Variants in HELB observed in about 807,000 individuals in gnomAD.
HELB encodes the protein DNA helicase B, also known as DNA 5'-3' helicase B.
In HELB, 96 loss-of-function variants were observed where a neutral mutation model predicts 101.7. That is an observed-to-expected ratio of 0.94 (90% CI 0.80 to 1.12). The LOEUF (loss-of-function observed/expected upper bound fraction) is 1.12. Ranked by LOEUF, HELB falls within the 50% of genes most tolerant of loss-of-function variation. The probability of loss-of-function intolerance (pLI) is 0.00; values close to 1 mark genes in which losing one functional copy is unlikely to be tolerated. For missense variants in HELB, 1,210 were observed against 1,291.9 expected (o/e 0.94, Z 0.97); for synonymous variants, 437 against 459.7 (o/e 0.95, Z 0.63).
At chr12:66,316,567 A>AAATAATAATAATAATAATAAT (rs59495617) in intron 6 of HELB, among the ~76,000 whole-genome samples, 2 of 145,054 alleles carry the variant, frequency 1.4e-5, no homozygotes, top group African/African-American at 2.6e-5. Context: ...TGATAAGCTA[A>AAATAATAATAATAATAATAAT]AATAATAATA....
intron 4 of HELB, among the ~76,000 whole-genome samples, chr12:66,311,331 A>G (rs533848536): frequency 2.6e-5 from 4 of 152,218 alleles, no homozygotes; most frequent in African/African-American, 9.6e-5. Flanking sequence ...GCATGGTGGC[A>G]TGCACCTGTA....
chr12:66,337,190 A>C (rs2053875832), intron 12 of HELB, among the ~76,000 whole-genome samples: 1 of 152,082 alleles, frequency 6.6e-6, no homozygotes, highest in African/African-American at 2.4e-5. Context: ...AAAGTGAGTA[A>C]AATGGACATA....
intron 7 of HELB, chr12:66,321,385 T>A (rs2053668535): frequency 6.6e-6 from 1 of 152,616 alleles, no homozygotes; most frequent in African/African-American, 2.4e-5. Flanking sequence ...AGTAGAGCAT[T>A]GTGTTGTTAG....
At chr12:66,308,327 C>T (rs981168089) in intron 3 of HELB, among the ~76,000 whole-genome samples, 1 of 152,136 alleles carries the variant, frequency 6.6e-6, no homozygotes, top group African/African-American at 2.4e-5. Context: ...AGTCCCCTCC[C>T]TCCCGCCATG....
downstream of HELB, chr12:66,342,088 G>A (rs2053922176): frequency 6.6e-6 from 1 of 152,156 alleles, no homozygotes; most frequent in Non-Finnish European, 1.5e-5. Flanking sequence ...CCTATCCAAA[G>A]TCATGATGAT....
chr12:66,304,809 T>C lies in HELB; in HGVS notation c.266T>C (p.Val89Ala). 3 of 1,613,602 alleles carry C rather than the reference T, an allele frequency of 1.9e-6. No individual in the cohort carries two copies. The highest frequency in any genetic ancestry group is 1.7e-6 in the Non-Finnish European group (2 of 1,179,896). The change falls in exon 2 of 13, where the codon GTG becomes GCG. Residue 89 changes from valine (V) to alanine (A), a missense_variant. Physicochemically the swap from Val to Ala is moderately conservative, Grantham distance 64. This residue lies in a region of HELB where 470 missense variants were observed against 563.1 expected (regional missense o/e 0.83). Transcript: ENST00000247815. The stretch of plus-strand genomic sequence containing the variant: ...CCGATAACAGGTGCTTGGTGGAGAG[T>C]GAAGGTACAAGTAAAGCCTGTGGTG... The part of the protein sequence containing the change: ...RFPITGAWWR[V>A]KVQVKPVVGS...
chr12:66,322,825 C>A, intron 9 of HELB, 42 bp downstream of exon 9: 5 of 1,302,556 alleles, frequency 3.8e-6, no homozygotes, highest in Non-Finnish European at 5.4e-6. Context: ...GACAGTCCTT[C>A]TTCGATTTGC....
intron 1 of HELB, 106 bp downstream of exon 1, chr12:66,302,896 C>T: frequency 1.0e-6 from 1 of 967,048 alleles, no homozygotes; most frequent in Non-Finnish European, 1.5e-6. Context: ...ACAGATTTAG[C>T]TTATCAGTGG....
intron 11 of HELB, among the ~76,000 whole-genome samples, chr12:66,329,495 A>G (rs980377655): frequency 2.0e-5 from 3 of 152,164 alleles, no homozygotes; most frequent in African/African-American, 4.8e-5. Context: ...TGGGTGGAGC[A>G]TGGTTCATGG....
At chr12:66,338,936 A>G (rs1342054169), downstream of HELB, 1 of 152,238 alleles carries the variant, frequency 6.6e-6, no homozygotes, top group Non-Finnish European at 1.5e-5. Context: ...AGTTGGGAGC[A>G]CATTGTTTTG....
Position 66,302,751 on chromosome 12 carries a change from G to A in HELB, c.148G>A (p.Gly50Arg). The change falls in exon 1 of 13, where the codon GGG becomes AGG. Residue 50 changes from glycine to arginine, a missense_variant. Gly to Arg is a moderately radical substitution (Grantham distance 125). Around this residue, in one of 2 missense-constraint regions of HELB, gnomAD observed 470 missense variants for 563.1 expected, o/e 0.83. Coordinates refer to ENST00000247815, the MANE Select transcript of HELB (RefSeq NM_001370285.1). ...VFIDAEELCS[G>R]GVKAGSLPGC... The stretch of plus-strand genomic sequence containing the variant: ...CATCGACGCCGAGGAGCTCTGCAGT[G>A]GGGGCGTAAAGGCTGGCAGCCTCCC... 6.2e-7 allele frequency: 1 copy of A among 1,613,682 alleles called. No homozygotes were observed. The highest frequency in any genetic ancestry group is 1.7e-4 in the Middle Eastern group (1 of 6,060).
chr12:66,303,389 T>G (rs1592627718), intron 1 of HELB, among the ~76,000 whole-genome samples: 1 of 151,786 alleles, frequency 6.6e-6, no homozygotes, highest in African/African-American at 2.4e-5. Flanking sequence ...CCGAGGCAGG[T>G]GGATCACTTG....
At chr12:66,316,063 G>T (rs1283221646) in intron 6 of HELB, among the ~76,000 whole-genome samples, 1 of 152,078 alleles carries the variant, frequency 6.6e-6, no homozygotes, top group Non-Finnish European at 1.5e-5. Context: ...TAATTTTACT[G>T]TACCTTTTCT....
chr12:66,336,381 A>C (rs746654603), intron 12 of HELB, among the ~76,000 whole-genome samples: 1 of 152,110 alleles, frequency 6.6e-6, no homozygotes, highest in Non-Finnish European at 1.5e-5. Flanking sequence ...TGGGTAATGG[A>C]TTTTGTGTTA....
At chr12:66,316,425 T>C (rs1358948670) in intron 6 of HELB, among the ~76,000 whole-genome samples, 2 of 152,220 alleles carry the variant, frequency 1.3e-5, no homozygotes, top group African/African-American at 2.4e-5. Context: ...CAAAATGTTT[T>C]GTTGCTTGAA....
At chr12:66,343,571 CTTCT>C (rs1040359620) in exon 14 of HELB, 1 of 151,996 alleles carries the variant, frequency 6.6e-6, no homozygotes, top group African/African-American at 2.4e-5. Flanking sequence ...ATGCTTGGTT[CTTCT>C]TTAATTCTTT....
chr12:66,332,486 A>G (rs1352889291), intron 12 of HELB, among the ~76,000 whole-genome samples: 2 of 152,224 alleles, frequency 1.3e-5, no homozygotes, highest in Non-Finnish European at 2.9e-5. Flanking sequence ...ATCTCACACC[A>G]TCTCATTCCA....
At chr12:66,330,673 AAT>A (rs1210562511) in intron 11 of HELB, among the ~76,000 whole-genome samples, 1 of 148,150 alleles carries the variant, frequency 6.7e-6, no homozygotes, top group African/African-American at 2.5e-5. Context: ...ATAAGTATAT[AAT>A]ATATATTCAC....
Position 66,305,041 on chromosome 12 carries a change from A to T in HELB, c.498A>T (p.Leu166=). 6.2e-7 allele frequency: 1 copy of T among 1,613,582 alleles called. No homozygotes were observed. Among genetic ancestry groups the T allele is most frequent in the Non-Finnish European group, 8.5e-7 (1 of 1,179,802 alleles). ...NLNFENLRET[L]RTFHKETGRK... is the part of the protein sequence containing the mutation. ...ACTTTGAAAATCTTAGGGAAACACT[A>T]AGAACTTTCCACAAGGAAACTGGAA... is the stretch of plus-strand genomic sequence containing the variant. The change falls in exon 2 of 13, where the codon CTA becomes CTT. Residue 166 remains leucine, a synonymous_variant. Coordinates refer to ENST00000247815, the MANE Select transcript of HELB (RefSeq NM_001370285.1).
Sources: allele counts gnomAD v4.1 joint callset (sites outside exome capture counted in the v4.1 genomes callset), GRCh38; gene constraint gnomAD v4.1.1; regional missense constraint gnomAD v4.1.1; transcripts MANE v1.5; gene names NCBI Gene and HGNC (gene_info 2026-07-23, HGNC 2026-07-21).